The following FLT4 variants were observed in gnomAD, a reference collection of about 807,000 sequenced individuals.
FLT4 encodes fms related receptor tyrosine kinase 4.
In FLT4, 30 loss-of-function variants were observed where a neutral mutation model predicts 163.2. The observed-to-expected ratio is 0.18, with a 90% CI of 0.14 to 0.25. FLT4 has a LOEUF of 0.25. Ranked by LOEUF, FLT4 falls within the 10% of genes least tolerant of loss-of-function variation. The pLI is 1.00. For missense variants in FLT4, 1,510 were observed against 1,863.8 expected, an observed-to-expected ratio of 0.81 and a Z score of 3.50; for synonymous variants, 884 against 789.5, an observed-to-expected ratio of 1.12 and a Z score of -2.01.
At position 180,636,671 on chromosome 5, in the gene FLT4, C is replaced by T. The variant is rs1764715261; in HGVS notation, c.59-4893G>A. Among the ~76,000 whole-genome samples the T allele has an allele frequency of 6.6e-6, 1 of 152,070 alleles. No individual in the cohort carries two copies. The highest frequency in any genetic ancestry group is 2.4e-5 in the African/African-American group (1 of 41,394). ...CCTCACATCTTCTCCTCCTGAATCA[C>T]TCAGTTCTGTGGGCGCATCCTGGAC... On this transcript the variant is annotated intron_variant, in intron 1 of 29. Coordinates refer to ENST00000261937, the MANE Select transcript of FLT4 (RefSeq NM_182925.5). This position sits in a 1 kb window ranked among gnomAD's most constrained non-coding sequence, Gnocchi z 4.3.
chr5:180,629,364 T>C lies in FLT4; in HGVS notation c.880A>G (p.Ile294Val), dbSNP rs1763901736. The C allele has an allele frequency of 6.2e-7, 1 of 1,612,772 alleles. No homozygotes were observed. Among genetic ancestry groups the C allele is most frequent in the African/African-American group, 1.3e-5 (1 of 74,936 alleles). Reference sequence around the variant, plus strand: ...TGGCTGACGTTGTGGATGGTCAGGATGCTGGAGAGTTCTGTGTGGGTCTGC... The same window carrying C: ...TGGCTGACGTTGTGGATGGTCAGGACGCTGGAGAGTTCTGTGTGGGTCTGC... ...SQQTHTELSS[I>V]LTIHNVSQHD... The change falls in exon 7 of 30, where the codon ATC becomes GTC. Residue 294 changes from isoleucine to valine, a missense_variant. By Grantham distance (29) the Ile-to-Val change is conservative (BLOSUM62 3). Transcript: ENST00000261937.
At chr5:180,613,337 G>A (rs921156680) in intron 24 of FLT4, 9 of 485,110 alleles carry the variant, frequency 1.9e-5, no homozygotes, top group African/African-American at 3.9e-5. Flanking sequence ...GGACTGTGCC[G>A]CCTGCTTGCT....
chr5:180,640,651 G>A (rs1765033922), intron 1 of FLT4, among the ~76,000 whole-genome samples: 2 of 152,320 alleles, frequency 1.3e-5, no homozygotes, highest in South Asian at 2.1e-4. Flanking sequence ...TCCTGAAAAC[G>A]GAGGGAAAAC....
chr5:180,641,521 G>A (rs1196622834), intron 1 of FLT4, among the ~76,000 whole-genome samples: 1 of 152,232 alleles, frequency 6.6e-6, no homozygotes, highest in African/African-American at 2.4e-5. Flanking sequence ...AAGCCAGGCT[G>A]CAGACTGGAG....
At chr5:180,641,306 C>T (rs1040106200) in intron 1 of FLT4, among the ~76,000 whole-genome samples, 14 of 152,346 alleles carry the variant, frequency 9.2e-5, no homozygotes, top group South Asian at 4.1e-4. Context: ...CCAACACAGC[C>T]GGCACAGGGA....
At position 180,614,743 on chromosome 5, in the gene FLT4, T is replaced by A. The variant is rs531059921; in HGVS notation, c.3220-564A>T. On this transcript the variant is annotated intron_variant, in intron 23 of 29. Coordinates refer to ENST00000261937, the MANE Select transcript of FLT4 (RefSeq NM_182925.5). ...CCCCAGCACCCCCACTCCCCTCTCT[T>A]CCCAGCTTACGGCATAAGGGAGGTT... Among the ~76,000 whole-genome samples, 41 of 152,098 alleles carry A rather than the reference T, an allele frequency of 2.7e-4. No homozygotes were observed. The South Asian group carries it at 5.0e-3, about 18-fold the overall frequency.
rs781698717 is a variant in FLT4 at position 180,624,068 on chromosome 5, G to A, written c.1422-7C>T. On this transcript the variant is annotated splice_polypyrimidine_tract_variant and splice_region_variant and intron_variant, in intron 10 of 29. Coordinates refer to ENST00000261937, the MANE Select transcript of FLT4 (RefSeq NM_182925.5). ...TTGCTGCTGCCGCCGCCGGCTGCCA[G>A]GACCAGAAGAGGCAAGGGCAGGTCA... is the stretch of plus-strand genomic sequence containing the variant. 7 of 1,611,138 alleles carry A rather than the reference G, an allele frequency of 4.3e-6. No homozygotes were observed. The highest frequency in any genetic ancestry group is 2.2e-5 in the South Asian group (2 of 91,086).
chr5:180,625,753 C>A, intron 10 of FLT4, 116 bp downstream of exon 10: 1 of 978,104 alleles, frequency 1.0e-6, no homozygotes. Flanking sequence ...GAGCAGGGCC[C>A]TGAGAAGGGG....
At chr5:180,616,813 G>T in intron 22 of FLT4, 87 bp downstream of exon 22, 1 of 1,033,348 alleles carries the variant, frequency 9.7e-7, no homozygotes, top group Non-Finnish European at 1.5e-6. Context: ...CAGAGCCATT[G>T]CAGGGTGAGG....
chr5:180,629,882 CCACT>C, intron 5 of FLT4, 47 bp from the exon 6 acceptor site: 1 of 1,612,602 alleles, frequency 6.2e-7, no homozygotes. Context: ...AGGACGACAC[CCACT>C]GAGGCCAGTG....
rs1278571395 is a variant in FLT4, at chr5:180,611,400, G to C, written c.3617C>G (p.Ala1206Gly). 3.1e-6 allele frequency: 5 copies of C among 1,614,054 alleles called. No individual in the cohort carries two copies. The highest frequency in any genetic ancestry group is 4.2e-6 in the Non-Finnish European group (5 of 1,179,986). ...EGSFSQVSTM[A>G]LHIAQADAED... is the part of the protein sequence containing the mutation. ...AGCGTCAGCCTGGGCGATGTGTAGG[G>C]CCATGGTGGACACCTGCGAGAAGCT... Residue 1206 changes from alanine (A) to glycine (G), a missense_variant, in exon 27 of 30, where the codon GCC becomes GGC. Ala to Gly is a moderately conservative substitution (Grantham distance 60, BLOSUM62 0). This residue lies in a region of FLT4 where 295 missense variants were observed against 311.0 expected (regional missense o/e 0.95). Transcript: ENST00000261937.
rs774601393 is a variant in FLT4 at position 180,630,676 on chromosome 5, G to A, written c.279C>T (p.Cys93=). 1.2e-6 allele frequency: 2 copies of A among 1,613,160 alleles called. No individual in the cohort carries two copies. Among genetic ancestry groups the A allele is most frequent in the South Asian group, 2.2e-5 (2 of 91,078 alleles). ...DCEGTDARPY[C]KVLLLHEVHA... is the part of the protein sequence containing the mutation. ...GTACCTCGTGCAGCAGCAACACCTT[G>A]CAGTAGGGCCTGGCGTCTGTGCCCT... Residue 93 remains cysteine, a synonymous_variant, in exon 3 of 30, where the codon TGC becomes TGT. Transcript: ENST00000261937. The surrounding 1 kb of genome is among the most constrained non-coding windows in gnomAD (Gnocchi z 6.3).
At chr5:180,609,669 C>T (rs1028617466) in intron 28 of FLT4, 10 of 503,564 alleles carry the variant, frequency 2.0e-5, no homozygotes, top group African/African-American at 7.8e-5. Flanking sequence ...GGGGTTTCTG[C>T]GCTGCTGAGG....
chr5:180,607,420 G>A (rs545326292), intron 29 of FLT4, among the ~76,000 whole-genome samples: 158 of 152,132 alleles, frequency 1.0e-3, no homozygotes, highest in African/African-American at 3.7e-3. Context: ...GGCGGATCAC[G>A]AGGTCAGGAG....
At chr5:180,639,700 C>T (rs1042728139) in intron 1 of FLT4, among the ~76,000 whole-genome samples, 1 of 152,188 alleles carries the variant, frequency 6.6e-6, no homozygotes, top group Non-Finnish European at 1.5e-5. Flanking sequence ...GGATGGGCTC[C>T]CTGGGCAGAT....
intron 1 of FLT4, 113 bp downstream of exon 1, chr5:180,649,375 C>T: frequency 1.3e-6 from 1 of 762,334 alleles, no homozygotes; most frequent in Non-Finnish European, 1.9e-6. Context: ...ACCAGGGCCA[C>T]CGTGTCCCCC....
chr5:180,626,299 A>T (rs766819482), intron 8 of FLT4, 34 bp from the exon 9 acceptor site: 18 of 1,606,150 alleles, frequency 1.1e-5, no homozygotes, highest in Non-Finnish European at 1.3e-5. Flanking sequence ...GCCCATACAG[A>T]TCCCACCACA....
In FLT4 at chr5:180,618,933, G is replaced by A. The variant is rs546124979; in HGVS notation, c.2851-13C>T. 356 of 1,578,874 alleles carry A rather than the reference G, an allele frequency of 2.3e-4. 7 individuals carry two copies. The South Asian group carries it at 3.9e-3, about 17-fold the overall frequency. On this transcript the variant is annotated splice_polypyrimidine_tract_variant and intron_variant, in intron 20 of 29. Transcript: ENST00000261937. ...CGGGAGACTTCTCCTGCGGATGCAC[G>A]AAGCTGGCTCGAGGGCGCCCAGTCG...
At chr5:180,611,093 G>T (rs1209371482) in intron 27 of FLT4, among the ~76,000 whole-genome samples, 1 of 152,174 alleles carries the variant, frequency 6.6e-6, no homozygotes, top group Admixed American at 6.5e-5. Context: ...TACCCTTGAT[G>T]TTGGGGTGAG....
Sources: gnomAD v4.1 joint callset for allele counts (sites outside exome capture counted in the v4.1 genomes callset) on GRCh38, gnomAD v4.1.1 for gene constraint, gnomAD v4.1.1 regional missense constraint, Gnocchi (gnomAD v3.1) non-coding constraint, MANE v1.5 for transcripts, NCBI Gene and HGNC (gene_info 2026-07-23, HGNC 2026-07-21) for gene names.